The following SMC5 variants were observed in gnomAD, a reference collection of about 807,000 sequenced individuals.
The protein encoded by SMC5 is structural maintenance of chromosomes 5.
A neutral mutation model predicts 148.3 loss-of-function variants in SMC5; 88 were observed. That is an observed-to-expected ratio of 0.59 (90% CI 0.50 to 0.71). The LOEUF (loss-of-function observed/expected upper bound fraction) is 0.71. SMC5 is among the 30% of genes least tolerant of loss of function. SMC5 has a pLI of 0.00. For missense variants in SMC5, 1,142 were observed against 1,298.9 expected (o/e 0.88, Z 1.86); for synonymous variants, 421 against 432.8 (o/e 0.97, Z 0.34).
chr9:70,320,281 A>G (rs999952443), intron 15 of SMC5, among the ~76,000 whole-genome samples: 3 of 152,216 alleles, frequency 2.0e-5, no homozygotes, highest in African/African-American at 7.2e-5. Flanking sequence ...TCAAGAGGCC[A>G]GGTGCAGTGT....
At chr9:70,312,721 A>C (rs576226163) in intron 11 of SMC5, among the ~76,000 whole-genome samples, 1 of 152,282 alleles carries the variant, frequency 6.6e-6, no homozygotes, top group South Asian at 2.1e-4. Flanking sequence ...TGTTAATATG[A>C]TAAGTTAGAT....
chr9:70,346,000 A>G (rs990375829), intron 18 of SMC5, among the ~76,000 whole-genome samples: 1 of 152,146 alleles, frequency 6.6e-6, no homozygotes, highest in Non-Finnish European at 1.5e-5. Flanking sequence ...GACATGAAGG[A>G]TGAGAGAGAG....
intron 17 of SMC5, among the ~76,000 whole-genome samples, chr9:70,332,768 T>A (rs941330621): frequency 5.3e-5 from 8 of 152,198 alleles, no homozygotes; most frequent in Non-Finnish European, 1.2e-4. Context: ...CTCAGATGTA[T>A]AAGGTTGGTT....
rs1260699312 is a variant in SMC5 at position 70,353,735 on chromosome 9, TAAAC to T, written c.*1405_*1408del. ...ACATTTTAAAAGAGCCTTCCCTTCT[TAAAC>T]TAACTCCAGTGCATGAAGTGTGAAA... is the stretch of plus-strand genomic sequence containing the variant. On this transcript the variant is annotated 3_prime_UTR_variant, in exon 25 of 25. Transcript: ENST00000361138. 9 of 152,346 alleles carry T rather than the reference TAAAC, an allele frequency of 5.9e-5. No homozygotes were observed. The highest frequency in any genetic ancestry group is 3.4e-3 in the Middle Eastern group (1 of 294). 9.4% of individuals were successfully genotyped at this position (152,346 alleles called of 1,614,324 possible).
chr9:70,322,728 C>T (rs754358885), intron 15 of SMC5, among the ~76,000 whole-genome samples: 4 of 151,936 alleles, frequency 2.6e-5, no homozygotes, highest in Non-Finnish European at 5.9e-5. Context: ...CCCAGCTTCT[C>T]GGGAGGCTGA....
At chr9:70,294,424 A>G (rs2035142902) in intron 8 of SMC5, among the ~76,000 whole-genome samples, 1 of 152,162 alleles carries the variant, frequency 6.6e-6, no homozygotes, top group African/African-American at 2.4e-5. Context: ...GTTTAATTAG[A>G]ACTGGGCTTT....
Position 70,352,524 on chromosome 9 carries a change from C to T in SMC5, c.*193C>T. ...TAGCAGCTGGTAGTAAAAGTTAAGT[C>T]TTCTTCAGTCTTGGTTGAACTTGAG... is the stretch of plus-strand genomic sequence containing the variant. On this transcript the variant is annotated 3_prime_UTR_variant, in exon 25 of 25. Coordinates refer to ENST00000361138, the MANE Select transcript of SMC5 (RefSeq NM_015110.4). 1 of 516,996 alleles carries T rather than the reference C, an allele frequency of 1.9e-6. No homozygotes were observed. The highest frequency in any genetic ancestry group is 3.5e-5 in the South Asian group (1 of 28,334). The allele number at this position is 516,996 out of a possible 1,614,324, so 32.0% of individuals were successfully genotyped here.
intron 17 of SMC5, among the ~76,000 whole-genome samples, chr9:70,334,622 AGAGT>A (rs2036311741): frequency 6.6e-6 from 1 of 152,140 alleles, no homozygotes; most frequent in Non-Finnish European, 1.5e-5. Context: ...AGAGAGAGAG[AGAGT>A]GTGTGTATGT....
intron 3 of SMC5, among the ~76,000 whole-genome samples, chr9:70,271,330 G>A (rs1053039903): frequency 4.6e-5 from 7 of 152,136 alleles, no homozygotes; most frequent in African/African-American, 1.7e-4. Flanking sequence ...TAAAATTTAA[G>A]TATATAAACG....
At chr9:70,302,468 G>C (rs1169776539) in intron 10 of SMC5, among the ~76,000 whole-genome samples, 1 of 151,344 alleles carries the variant, frequency 6.6e-6, no homozygotes, top group Non-Finnish European at 1.5e-5. Context: ...AATCCAGCCT[G>C]GCGACAGAGC....
At chr9:70,327,426 A>T (rs2036109229) in intron 17 of SMC5, among the ~76,000 whole-genome samples, 1 of 152,218 alleles carries the variant, frequency 6.6e-6, no homozygotes, top group South Asian at 2.1e-4. Context: ...ACTTTGGAGG[A>T]TACTGGGGAA....
intron 3 of SMC5, among the ~76,000 whole-genome samples, chr9:70,269,893 G>T (rs1450795121): frequency 2.0e-5 from 3 of 152,220 alleles, no homozygotes; most frequent in African/African-American, 7.2e-5. Flanking sequence ...TATTATAAAA[G>T]TGGCAGTTTA....
At chr9:70,260,107 G>T (rs1369351586) in intron 1 of SMC5, among the ~76,000 whole-genome samples, 1 of 151,922 alleles carries the variant, frequency 6.6e-6, no homozygotes, top group Non-Finnish European at 1.5e-5. Context: ...ACCACGCCCG[G>T]CTAGTTTTTG....
chr9:70,269,411 A>G (rs576411649), intron 3 of SMC5, among the ~76,000 whole-genome samples: 1 of 152,042 alleles, frequency 6.6e-6, no homozygotes, highest in South Asian at 2.1e-4. Flanking sequence ...GCAAAACCCC[A>G]TCTCTACAAA....
chr9:70,277,345 A>G lies in SMC5; in HGVS notation c.416A>G (p.Glu139Gly). 1 of 1,600,232 alleles carries G rather than the reference A, an allele frequency of 6.2e-7. No individual in the cohort carries two copies. ...RASGNLVITR[E>G]IDVAKNQSFW... ...TCTGGAAATCTTGTAATCACCCGTG[A>G]GATTGATGTGGCAAAAAATCAGTCC... Residue 139 changes from glutamate to glycine, a missense_variant, in exon 4 of 25, where the codon GAG (glutamate) becomes GGG (glycine). Coordinates refer to ENST00000361138, the MANE Select transcript of SMC5 (RefSeq NM_015110.4).
intron 17 of SMC5, among the ~76,000 whole-genome samples, chr9:70,337,199 C>T (rs2036380949): frequency 1.3e-5 from 2 of 152,070 alleles, no homozygotes; most frequent in Non-Finnish European, 2.9e-5. Flanking sequence ...GATTCTGGTG[C>T]CTGAAGTTTT....
At chr9:70,318,468 A>G (rs747591557) in intron 13 of SMC5, 46 bp from the exon 14 acceptor site, 6 of 1,372,054 alleles carry the variant, frequency 4.4e-6, no homozygotes, top group East Asian at 4.9e-5. Flanking sequence ...ACTTTAAAAC[A>G]TATAATTTAT....
intron 8 of SMC5, among the ~76,000 whole-genome samples, chr9:70,291,432 A>G (rs1276816754): frequency 1.3e-5 from 2 of 152,194 alleles, no homozygotes; most frequent in Non-Finnish European, 2.9e-5. Context: ...CACAAAGTGA[A>G]ACAGATGAGA....
chr9:70,272,220 A>G (rs919531453), intron 3 of SMC5, among the ~76,000 whole-genome samples: 16 of 152,218 alleles, frequency 1.1e-4, no homozygotes, highest in African/African-American at 3.6e-4. Flanking sequence ...CCATTAACTG[A>G]GGTAGACAGA....
Sources: allele counts gnomAD v4.1 joint callset (sites outside exome capture counted in the v4.1 genomes callset), GRCh38; gene constraint gnomAD v4.1.1; transcripts MANE v1.5; gene names NCBI Gene and HGNC (gene_info 2026-07-23, HGNC 2026-07-21).